CLVS1: variants seen among roughly 807,000 people sequenced by gnomAD.
CLVS1 encodes the protein clavesin-1.
In CLVS1, 10 loss-of-function variants were observed where a neutral mutation model predicts 33.1. The ratio of observed to expected loss-of-function variants is 0.30; its 90% confidence interval spans 0.19 to 0.51. CLVS1 has a LOEUF of 0.51. Among genes scored for constraint, CLVS1 ranks in the 20% least tolerant of loss-of-function variants. The probability of loss-of-function intolerance (pLI) is 0.97; values close to 1 mark genes in which losing one functional copy is unlikely to be tolerated. For synonymous variants in CLVS1, 163 were observed against 166.1 expected, an observed-to-expected ratio of 0.98 and a Z score of 0.14; for missense variants, 343 against 433.4, an observed-to-expected ratio of 0.79 and a Z score of 1.85.
chr8:61,070,780 C>CAGTG (rs1688704415), intron 1 of CLVS1, among the ~76,000 whole-genome samples: 1 of 152,210 alleles, frequency 6.6e-6, no homozygotes. Flanking sequence ...ATCAAGGCTA[C>CAGTG]AGTGAGCCAT....
chr8:61,329,203 ATCTCTC>A (rs34303330), intron 2 of CLVS1, among the ~76,000 whole-genome samples: 4 of 145,166 alleles, frequency 2.8e-5, no homozygotes, highest in South Asian at 2.2e-4. Flanking sequence ...ACCCCTCCTC[ATCTCTC>A]TCTCTCTCTC....
At chr8:61,358,583 C>G (rs1334807223) in intron 2 of CLVS1, among the ~76,000 whole-genome samples, 2 of 152,146 alleles carry the variant, frequency 1.3e-5, no homozygotes, top group South Asian at 2.1e-4. Flanking sequence ...TTTGGGCCAA[C>G]ACATATGCTC....
the CLVS1 span, among the ~76,000 whole-genome samples, chr8:61,035,482 T>C: frequency 1.3e-5 from 2 of 152,206 alleles, no homozygotes; most frequent in African/African-American, 4.8e-5. Flanking sequence ...AAAGAGTAGA[T>C]GTGCAATGGG....
At chr8:61,444,463 T>C (rs753161895) in intron 3 of CLVS1, among the ~76,000 whole-genome samples, 1 of 152,242 alleles carries the variant, frequency 6.6e-6, no homozygotes, top group Non-Finnish European at 1.5e-5. Context: ...GCCAAAGTCT[T>C]TTTATGTATC....
chr8:61,398,612 G>C (rs1299678121), intron 3 of CLVS1, among the ~76,000 whole-genome samples: 2 of 152,130 alleles, frequency 1.3e-5, no homozygotes, highest in African/African-American at 2.4e-5. Flanking sequence ...AGATAAACGT[G>C]TGCCATGGTG....
chr8:61,179,865 T>C (rs1334266806), intron 2 of CLVS1, among the ~76,000 whole-genome samples: 2 of 152,148 alleles, frequency 1.3e-5, no homozygotes, highest in Admixed American at 6.5e-5. Context: ...TTTATAACAC[T>C]AAATGCCCAC....
chr8:61,394,296 A>G (rs1289462858), intron 3 of CLVS1, among the ~76,000 whole-genome samples: 1 of 152,192 alleles, frequency 6.6e-6, no homozygotes, highest in Non-Finnish European at 1.5e-5. Flanking sequence ...CTTTCAAGAG[A>G]GCACCAGTTG....
chr8:61,041,877 G>A, the CLVS1 span, among the ~76,000 whole-genome samples: 1 of 152,002 alleles, frequency 6.6e-6, no homozygotes, highest in Non-Finnish European at 1.5e-5. Context: ...GCCTGGATAG[G>A]ACTTCCTGTT....
chr8:61,255,630 C>G (rs1469100577), intron 2 of CLVS1, among the ~76,000 whole-genome samples: 4 of 152,116 alleles, frequency 2.6e-5, no homozygotes, highest in Non-Finnish European at 5.9e-5. Flanking sequence ...TTTCTAAGCA[C>G]AAAAAGGTCT....
intron 2 of CLVS1, among the ~76,000 whole-genome samples, chr8:61,218,950 A>C (rs1284666729): frequency 1.3e-5 from 2 of 152,074 alleles, no homozygotes; most frequent in Non-Finnish European, 2.9e-5. Context: ...GTCTCAAATA[A>C]AACAAAACAA....
the CLVS1 span, among the ~76,000 whole-genome samples, chr8:60,990,125 CAAAAAAAAAA>C: frequency 5.2e-5 from 2 of 38,278 alleles, no homozygotes; most frequent in African/African-American, 2.0e-4. Context: ...ACTCCATCTC[CAAAAAAAAAA>C]AAAAAAAAAA....
chr8:61,220,001 T>G (rs1180862835), intron 2 of CLVS1, among the ~76,000 whole-genome samples: 1 of 152,214 alleles, frequency 6.6e-6, no homozygotes, highest in Non-Finnish European at 1.5e-5. Flanking sequence ...GATTGTTTGT[T>G]TTTTTCTTAT....
chr8:61,081,658 CTGG>C (rs1305961644), intron 1 of CLVS1, among the ~76,000 whole-genome samples: 4 of 152,192 alleles, frequency 2.6e-5, no homozygotes, highest in Non-Finnish European at 5.9e-5. Flanking sequence ...GGCTTCCAGT[CTGG>C]TGTATAAGAA....
intron 2 of CLVS1, among the ~76,000 whole-genome samples, chr8:61,170,874 A>G (rs1450614972): frequency 1.3e-5 from 2 of 152,254 alleles, no homozygotes; most frequent in African/African-American, 2.4e-5. Context: ...ACCATATTGT[A>G]TAACACCAGA....
At chr8:61,212,266 C>G (rs868160618) in intron 2 of CLVS1, among the ~76,000 whole-genome samples, 3 of 152,196 alleles carry the variant, frequency 2.0e-5, no homozygotes, top group Admixed American at 6.5e-5. Context: ...GAGGTAGTGT[C>G]TGAACAGGGT....
At chr8:61,331,125 C>T (rs991173445) in intron 2 of CLVS1, among the ~76,000 whole-genome samples, 4 of 152,094 alleles carry the variant, frequency 2.6e-5, no homozygotes, top group African/African-American at 4.8e-5. Context: ...TCACACTAAG[C>T]TTGGTATCAA....
At chr8:61,380,647 C>T (rs1411021051) in intron 3 of CLVS1, among the ~76,000 whole-genome samples, 5 of 151,990 alleles carry the variant, frequency 3.3e-5, no homozygotes, top group Non-Finnish European at 7.4e-5. Context: ...CTAAAAGAGC[C>T]GTTGTATCTG....
At chr8:61,055,633 A>G (rs148755858), upstream of CLVS1, among the ~76,000 whole-genome samples, 3 of 152,316 alleles carry the variant, frequency 2.0e-5, no homozygotes, top group Non-Finnish European at 2.9e-5. Flanking sequence ...AGAGAGAAAT[A>G]TTGTGGAGAC....
chr8:61,480,734 G>A (rs761318194), intron 5 of CLVS1, among the ~76,000 whole-genome samples: 2 of 151,716 alleles, frequency 1.3e-5, no homozygotes, highest in African/African-American at 4.8e-5. Flanking sequence ...CCACCCTCAG[G>A]GCAAGTCTTA....
Sources: allele counts gnomAD v4.1 joint callset (sites outside exome capture counted in the v4.1 genomes callset), GRCh38; gene constraint gnomAD v4.1.1; transcripts MANE v1.5; gene names NCBI Gene and HGNC (gene_info 2026-07-23, HGNC 2026-07-21).